Variants in ZNF76 observed in about 807,000 individuals in gnomAD.
ZNF76 encodes zinc finger protein 523.
Under a neutral mutation model 66.9 loss-of-function variants are expected in ZNF76, and 66 were observed. The ratio of observed to expected loss-of-function variants is 0.99; its 90% confidence interval spans 0.81 to 1.21. The LOEUF is 1.21. Ranked by LOEUF, ZNF76 falls within the 50% of genes most tolerant of loss-of-function variation. The pLI, the probability that ZNF76 is intolerant of heterozygous loss-of-function variation, is 0.00. For missense variants in ZNF76, 729 were observed against 760.3 expected (o/e 0.96, Z 0.48); for synonymous variants, 275 against 296.1 (o/e 0.93, Z 0.73).
At chr6:35,260,844 C>G (rs1269107714) in intron 1 of ZNF76, among the ~76,000 whole-genome samples, 2 of 152,106 alleles carry the variant, frequency 1.3e-5, no homozygotes, top group African/African-American at 4.8e-5. Flanking sequence ...TTTTTGTACC[C>G]CACCCTGGAA....
chr6:35,286,065 G>A, intron 2 of ZNF76, 63 bp from the exon 3 acceptor site: 1 of 1,503,102 alleles, frequency 6.7e-7, no homozygotes. Flanking sequence ...GCTAAAAACA[G>A]GCAGGCGTTT....
chr6:35,260,135 T>G (rs543365122), intron 1 of ZNF76, among the ~76,000 whole-genome samples: 11 of 152,180 alleles, frequency 7.2e-5, no homozygotes, highest in South Asian at 2.1e-4. Context: ...AGGTAACCGT[T>G]GGTTATTATT....
chr6:35,291,324 A>G lies in ZNF76; in HGVS notation c.672A>G (p.Pro224=), dbSNP rs1432503647. The G allele has an allele frequency of 2.0e-5, 33 of 1,613,782 alleles. No homozygotes were observed. Among genetic ancestry groups the G allele is most frequent in the Non-Finnish European group, 2.6e-5 (31 of 1,179,908 alleles). The change falls in exon 8 of 14, where the codon CCA becomes CCG. Residue 224 remains proline (P), a synonymous_variant. Coordinates refer to ENST00000373953, the MANE Select transcript of ZNF76 (RefSeq NM_003427.5). ...TTCGTACCCACACTGGTGAGAAACCATACAAGTGCCCAGAGGAGCTGTGCA... is the reference window on the plus strand; with the variant it reads ...TTCGTACCCACACTGGTGAGAAACCGTACAAGTGCCCAGAGGAGCTGTGCA... ...SHVRTHTGEK[P]YKCPEELCSK...
At chr6:35,282,262 C>A (rs1215889275) in intron 2 of ZNF76, among the ~76,000 whole-genome samples, 1 of 150,834 alleles carries the variant, frequency 6.6e-6, no homozygotes, top group African/African-American at 2.4e-5. Flanking sequence ...TCTCTTGAGG[C>A]CATAAGTTTG....
chr6:35,284,803 T>G (rs1789302137), intron 2 of ZNF76, among the ~76,000 whole-genome samples: 1 of 152,042 alleles, frequency 6.6e-6, no homozygotes, highest in South Asian at 2.1e-4. Flanking sequence ...TTCTGCCTCC[T>G]GGGCTCAAGC....
intron 2 of ZNF76, among the ~76,000 whole-genome samples, chr6:35,284,115 G>A (rs1182009762): frequency 1.3e-5 from 2 of 150,894 alleles, no homozygotes; most frequent in Admixed American, 1.3e-4. Context: ...TTTTTGAGAC[G>A]GAGTCTCACC....
rs1371416216 is a variant in ZNF76 at position 35,295,238 on chromosome 6, G to A, written c.1703G>A (p.Ser568Asn). 6.2e-7 allele frequency: 1 copy of A among 1,604,794 alleles called. No homozygotes were observed. Among genetic ancestry groups the A allele is most frequent in the African/African-American group, 1.3e-5 (1 of 74,690 alleles). ...AVTLETTVSE[S>N]GC ...ACCCTGGAGACAACAGTGTCGGAGAGTGGCTGCTGAGTCCAAGAGGGCTGG... is the reference window on the plus strand; with the variant it reads ...ACCCTGGAGACAACAGTGTCGGAGAATGGCTGCTGAGTCCAAGAGGGCTGG... Residue 568 changes from serine (S) to asparagine (N), a missense_variant, in exon 14 of 14, where the codon AGT becomes AAT. Transcript: ENST00000373953.
In ZNF76 at chr6:35,292,133, C is replaced by T; in HGVS notation, c.931+396C>T. 4.9e-6 allele frequency: 2 copies of T among 409,324 alleles called. No individual in the cohort carries two copies. Among genetic ancestry groups the T allele is most frequent in the East Asian group, 1.0e-4 (2 of 19,986 alleles). 25.4% of individuals were successfully genotyped at this position (409,324 alleles called of 1,614,324 possible). Reference sequence around the variant, plus strand: ...ATGACTCCTGTGTATCCTCACCCTCCCCAGTGTTATGCCCCTCATCCAGCT... The same window carrying T: ...ATGACTCCTGTGTATCCTCACCCTCTCCAGTGTTATGCCCCTCATCCAGCT... On this transcript the variant is annotated intron_variant, in intron 9 of 13. Transcript: ENST00000373953. The surrounding 1 kb of genome is among the most constrained non-coding windows in gnomAD (Gnocchi z 4.7).
chr6:35,290,765 T>C, intron 7 of ZNF76, 49 bp downstream of exon 7: 1 of 1,573,810 alleles, frequency 6.4e-7, no homozygotes, highest in African/African-American at 1.3e-5. Flanking sequence ...GGGTTCTCGT[T>C]CTGTTTGGGA....
chr6:35,286,248 C>T (rs778989772), intron 3 of ZNF76, 40 bp downstream of exon 3: 1 of 1,613,112 alleles, frequency 6.2e-7, no homozygotes. Flanking sequence ...TCGAGGGAAG[C>T]CTGACAGCCC....
chr6:35,293,041 G>A lies in ZNF76; in HGVS notation c.1326G>A (p.Gln442=), dbSNP rs1322288220. The change falls in exon 11 of 14, where the codon CAG becomes CAA. Residue 442 remains glutamine (Q), a synonymous_variant. Transcript: ENST00000373953. ...QVALITQDGA[Q]QVSLSPEDLQ... is the part of the protein sequence containing the mutation. ...CTCTGATCACTCAGGATGGTGCCCA[G>A]CAGGTACAGGCCCTGGAGGGCAGAG... is the stretch of plus-strand genomic sequence containing the variant. 1 of 1,613,946 alleles carries A rather than the reference G, an allele frequency of 6.2e-7. No homozygotes were observed. The highest frequency in any genetic ancestry group is 1.7e-5 in the Admixed American group (1 of 60,028).
At chr6:35,268,159 T>C (rs1232780075) in intron 1 of ZNF76, among the ~76,000 whole-genome samples, 2 of 152,218 alleles carry the variant, frequency 1.3e-5, no homozygotes. Context: ...CTGAAAGGCA[T>C]GCTCTCCAGG....
intron 1 of ZNF76, among the ~76,000 whole-genome samples, chr6:35,266,799 T>TTC (rs1786168755): frequency 8.3e-6 from 1 of 120,250 alleles, no homozygotes; most frequent in Non-Finnish European, 1.7e-5. Context: ...GTCTATTTCT[T>TTC]TTTTTTTTTT....
intron 1 of ZNF76, among the ~76,000 whole-genome samples, chr6:35,261,944 G>A (rs1005787341): frequency 1.3e-5 from 2 of 152,224 alleles, no homozygotes; most frequent in African/African-American, 4.8e-5. Context: ...TATCTTCTTA[G>A]GTTCATGGCT....
Position 35,293,870 on chromosome 6 carries a change from A to G in ZNF76, c.1449A>G (p.Thr483=), listed in dbSNP as rs1313692843. The part of the protein sequence containing the change: ...SPDADLATSG[T]HTVTMVSADG... Reference sequence around the variant, plus strand: ...ATGCCGACCTGGCCACATCTGGCACACATACAGTCACCATGGTCAGCGCCG... The same window carrying G: ...ATGCCGACCTGGCCACATCTGGCACGCATACAGTCACCATGGTCAGCGCCG... The change falls in exon 12 of 14, where the codon ACA becomes ACG. Residue 483 remains threonine, a synonymous_variant. Coordinates refer to ENST00000373953, the MANE Select transcript of ZNF76 (RefSeq NM_003427.5). The G allele has an allele frequency of 1.2e-6, 2 of 1,614,174 alleles. No individual in the cohort carries two copies. Among genetic ancestry groups the G allele is most frequent in the Admixed American group, 1.7e-5 (1 of 60,032 alleles).
At chr6:35,290,123 T>A in intron 5 of ZNF76, 143 bp from the exon 6 acceptor site, 1 of 1,081,860 alleles carries the variant, frequency 9.2e-7, no homozygotes, top group Non-Finnish European at 1.3e-6. Context: ...CTGTTCCTTG[T>A]CCGTCTAGTT....
At position 35,287,784 on chromosome 6, in the gene ZNF76, C is replaced by T. The variant is rs1332012785; in HGVS notation, c.371C>T (p.Ala124Val). 1.2e-6 allele frequency: 2 copies of T among 1,613,682 alleles called. No individual in the cohort carries two copies. The highest frequency in any genetic ancestry group is 2.2e-5 in the East Asian group (1 of 44,838). The change falls in exon 5 of 14, where the codon GCA becomes GTA. Residue 124 changes from alanine to valine, a missense_variant. Coordinates refer to ENST00000373953, the MANE Select transcript of ZNF76 (RefSeq NM_003427.5). The surrounding 1 kb of genome is among the most constrained non-coding windows in gnomAD (Gnocchi z 4.0). ...QTEVGLEDLA[A>V]EDDEGFSADA... is the part of the protein sequence containing the mutation. ...GAGGTGGGCTTGGAGGACCTGGCAG[C>T]AGAGGATGATGAGGGCTTCAGTGCA...
At chr6:35,269,429 T>C (rs985991094) in intron 1 of ZNF76, among the ~76,000 whole-genome samples, 1 of 152,138 alleles carries the variant, frequency 6.6e-6, no homozygotes, top group African/African-American at 2.4e-5. Context: ...GTGCCTCTTT[T>C]CTAGTGCCTC....
chr6:35,279,396 A>G (rs1201261654), intron 1 of ZNF76: 1 of 124,774 alleles, frequency 8.0e-6, no homozygotes, highest in Non-Finnish European at 1.7e-5. Context: ...AATTAGTTTC[A>G]TTTCGAGCAT....
Sources: gnomAD v4.1 joint callset for allele counts (sites outside exome capture counted in the v4.1 genomes callset) on GRCh38, gnomAD v4.1.1 for gene constraint, Gnocchi (gnomAD v3.1) non-coding constraint, MANE v1.5 for transcripts, NCBI Gene and HGNC (gene_info 2026-07-23, HGNC 2026-07-21) for gene names.